MITF: variants seen among roughly 807,000 people sequenced by gnomAD.
The protein encoded by MITF is microphthalmia-associated transcription factor.
Under a neutral mutation model 60.5 loss-of-function variants are expected in MITF, and 17 were observed. That is an observed-to-expected ratio of 0.28 (90% CI 0.19 to 0.42). The LOEUF (loss-of-function observed/expected upper bound fraction) is 0.42, where lower values mean the gene tolerates loss of function less well. MITF is among the 10% of genes least tolerant of loss of function. The pLI is 1.00. For missense variants in MITF, 622 were observed against 683.5 expected (o/e 0.91, Z 1.00); for synonymous variants, 260 against 248.5 (o/e 1.05, Z -0.43).
rs1000407853 is a variant in MITF at position 69,883,131 on chromosome 3, A to AT, written c.354+3756dup. The stretch of plus-strand genomic sequence containing the variant: ...GTTGCATGAATTTTAAAAGGAAAAG[A>AT]TTTTTTTTATTACTTTGGGGCATTT... On this transcript the variant is annotated intron_variant, in intron 2 of 9. Transcript: ENST00000352241. 1.4e-4 allele frequency among the ~76,000 whole-genome samples: 22 copies of AT among 152,144 alleles called. 1 individual carries two copies. The South Asian group carries it at 2.7e-3, about 19-fold the overall frequency.
At position 69,879,195 on chromosome 3, in the gene MITF, C is replaced by T. The variant is rs2107276398; in HGVS notation, c.166C>T (p.Arg56Cys). Residue 56 changes from arginine (R) to cysteine (C), a missense_variant, in exon 2 of 10, where the codon CGC (arginine) becomes TGC (cysteine). Coordinates refer to ENST00000352241, the MANE Select transcript of MITF (RefSeq NM_001354604.2). ...GATAAGCTCCTCCAGTATGACATCA[C>T]GCATCTTGCTACGCCAGCAACTCAT... is the stretch of plus-strand genomic sequence containing the variant. ...PPISSSSMTS[R>C]ILLRQQLMRE... 6.2e-7 allele frequency: 1 copy of T among 1,614,238 alleles called. No homozygotes were observed. Among genetic ancestry groups the T allele is most frequent in the Middle Eastern group, 1.6e-4 (1 of 6,062 alleles).
intron 2 of MITF, among the ~76,000 whole-genome samples, chr3:69,921,577 G>T (rs915868933): frequency 6.6e-6 from 1 of 152,118 alleles, no homozygotes; most frequent in Non-Finnish European, 1.5e-5. Context: ...ATTGAATTAG[G>T]CTATTTACAG....
At chr3:69,835,163 G>A (rs1326273702) in intron 1 of MITF, among the ~76,000 whole-genome samples, 2 of 151,780 alleles carry the variant, frequency 1.3e-5, no homozygotes, top group Admixed American at 1.3e-4. Flanking sequence ...GACTATAGGA[G>A]CATGCCACCA....
intron 1 of MITF, among the ~76,000 whole-genome samples, chr3:69,821,885 G>C (rs1183553214): frequency 6.6e-6 from 1 of 152,086 alleles, no homozygotes; most frequent in African/African-American, 2.4e-5. Context: ...TGGGATTACA[G>C]GCACATGCCA....
chr3:69,867,977 AC>A (rs1179968249), intron 1 of MITF, among the ~76,000 whole-genome samples: 1 of 152,202 alleles, frequency 6.6e-6, no homozygotes, highest in Non-Finnish European at 1.5e-5. Flanking sequence ...GAGAGCACAC[AC>A]TGTGAATTAA....
At chr3:69,849,778 C>G (rs2063794594) in intron 1 of MITF, among the ~76,000 whole-genome samples, 1 of 152,172 alleles carries the variant, frequency 6.6e-6, no homozygotes, top group Non-Finnish European at 1.5e-5. Context: ...CCTGTTTCCT[C>G]TTTAGCTCTT....
At position 69,950,659 on chromosome 3, in the gene MITF, C is replaced by T. The variant is rs1036716446; in HGVS notation, c.881-1153C>T. ...TATATATATATATATGCTTCAGTGG[C>T]TATAAGTTATGCTAAAAAGATTTCT... On this transcript the variant is annotated intron_variant, in intron 6 of 9. Coordinates refer to ENST00000352241, the MANE Select transcript of MITF (RefSeq NM_001354604.2). Among the ~76,000 whole-genome samples the T allele has an allele frequency of 8.1e-5, 12 of 148,208 alleles. 1 individual carries two copies. Among genetic ancestry groups the T allele is most frequent in the Admixed American group, 2.0e-4 (3 of 14,808 alleles).
chr3:69,946,783 C>G (rs765580968), intron 5 of MITF, among the ~76,000 whole-genome samples: 4 of 152,128 alleles, frequency 2.6e-5, no homozygotes, highest in Non-Finnish European at 5.9e-5. Flanking sequence ...AGGCATCTTG[C>G]TATAGGGATT....
chr3:69,897,683 T>G (rs2064906854), intron 2 of MITF, among the ~76,000 whole-genome samples: 1 of 152,204 alleles, frequency 6.6e-6, no homozygotes, highest in African/African-American at 2.4e-5. Flanking sequence ...CTGATCTGTG[T>G]GTATAGCTAG....
chr3:69,960,555 A>G (rs145419872), intron 9 of MITF, among the ~76,000 whole-genome samples: 1 of 152,226 alleles, frequency 6.6e-6, no homozygotes, highest in East Asian at 1.9e-4. Flanking sequence ...TGTGAGGGTA[A>G]TTTTAATTTG....
chr3:69,923,053 A>T (rs1391835327), intron 2 of MITF, among the ~76,000 whole-genome samples: 1 of 152,188 alleles, frequency 6.6e-6, no homozygotes, highest in East Asian at 1.9e-4. Flanking sequence ...TTCTCAGGAG[A>T]AGCCTTATTT....
At chr3:69,790,993 C>A (rs2062730852) in intron 1 of MITF, among the ~76,000 whole-genome samples, 1 of 152,214 alleles carries the variant, frequency 6.6e-6, no homozygotes, top group Admixed American at 6.5e-5. Context: ...CCCACACTAA[C>A]TTCTTTTTAG....
chr3:69,752,194 A>G (rs1193814381), intron 1 of MITF: 1 of 152,232 alleles, frequency 6.6e-6, no homozygotes, highest in Non-Finnish European at 1.5e-5. Context: ...CTTTATAGCA[A>G]TGTGGACTAA....
chr3:69,883,574 G>T (rs2064538689), intron 2 of MITF, among the ~76,000 whole-genome samples: 1 of 152,182 alleles, frequency 6.6e-6, no homozygotes, highest in South Asian at 2.1e-4. Context: ...TGGAGTTACA[G>T]GTGGATTGGT....
At chr3:69,933,645 A>T (rs2065771028) in intron 2 of MITF, among the ~76,000 whole-genome samples, 1 of 152,202 alleles carries the variant, frequency 6.6e-6, no homozygotes, top group South Asian at 2.1e-4. Flanking sequence ...AAGTTATATC[A>T]ATAAATAATA....
Position 69,924,021 on chromosome 3 carries a change from G to C in MITF, c.355-13801G>C, listed in dbSNP as rs531154223. Among the ~76,000 whole-genome samples, 3 of 152,246 alleles carry C rather than the reference G, an allele frequency of 2.0e-5. No homozygotes were observed. In the East Asian group the frequency reaches 5.8e-4, roughly 29 times the overall value. On this transcript the variant is annotated intron_variant, in intron 2 of 9. Coordinates refer to ENST00000352241, the MANE Select transcript of MITF (RefSeq NM_001354604.2). The stretch of plus-strand genomic sequence containing the variant: ...ATTACGTGTTTTAGATGACATCCAT[G>C]TAGATCATTGGCCAATTTGTTTGAA...
intron 1 of MITF, among the ~76,000 whole-genome samples, chr3:69,828,972 T>C (rs561725035): frequency 6.6e-6 from 1 of 152,014 alleles, no homozygotes; most frequent in South Asian, 2.1e-4. Flanking sequence ...GTGTGTGTTT[T>C]ACTAAGATTC....
intron 1 of MITF, among the ~76,000 whole-genome samples, chr3:69,829,272 G>C (rs1169210642): frequency 6.6e-6 from 1 of 152,194 alleles, no homozygotes; most frequent in Non-Finnish European, 1.5e-5. Flanking sequence ...AGACGGTTTA[G>C]AAGCATTGAT....
chr3:69,905,715 G>GT (rs535295005), intron 2 of MITF, among the ~76,000 whole-genome samples: 62 of 150,988 alleles, frequency 4.1e-4, no homozygotes, highest in Middle Eastern at 6.8e-3. Flanking sequence ...CTCATTGTGT[G>GT]TTTTTTTTTA....
Sources: allele counts gnomAD v4.1 joint callset (sites outside exome capture counted in the v4.1 genomes callset), GRCh38; gene constraint gnomAD v4.1.1; transcripts MANE v1.5; gene names NCBI Gene and HGNC (gene_info 2026-07-23, HGNC 2026-07-21).